The following DENND5B variants were observed in gnomAD, a reference collection of about 807,000 sequenced individuals.
DENND5B encodes DENN domain containing 5B, also known as DENN domain-containing protein 5B.
Under a neutral mutation model 140.6 loss-of-function variants are expected in DENND5B, and 34 were observed. The observed-to-expected ratio is 0.24, with a 90% CI of 0.18 to 0.32. The LOEUF is 0.32. Among genes scored for constraint, DENND5B ranks in the 10% least tolerant of loss-of-function variants. DENND5B has a pLI of 1.00. For synonymous variants in DENND5B, 551 were observed against 562.1 expected, an observed-to-expected ratio of 0.98 and a Z score of 0.28; for missense variants, 1,142 against 1,560.2, an observed-to-expected ratio of 0.73 and a Z score of 4.52.
intron 1 of DENND5B, chr12:31,506,211 C>T (rs1947194998): frequency 6.6e-6 from 1 of 152,100 alleles, no homozygotes; most frequent in Non-Finnish European, 1.5e-5. Context: ...CAATATCTTT[C>T]CTCTTGATTA....
chr12:31,572,488 T>C (rs1342979858), intron 1 of DENND5B, among the ~76,000 whole-genome samples: 1 of 135,904 alleles, frequency 7.4e-6, no homozygotes, highest in Non-Finnish European at 1.6e-5. Flanking sequence ...AATAACAAAA[T>C]AAATATCAAA....
At position 31,385,217 on chromosome 12, in the gene DENND5B, T is replaced by G. The variant is rs1485320631; in HGVS notation, c.*2386A>C. The G allele has an allele frequency of 2.0e-5, 3 of 152,188 alleles. No individual in the cohort carries two copies. The highest frequency in any genetic ancestry group is 1.3e-4 in the Admixed American group (2 of 15,264). 9.4% of individuals were successfully genotyped at this position (152,188 alleles called of 1,614,324 possible). A position where few individuals can be genotyped will look rare whatever the true frequency, so the allele number is the denominator to read the frequency against. On this transcript the variant is annotated 3_prime_UTR_variant, in exon 21 of 21. Coordinates refer to ENST00000389082, the MANE Select transcript of DENND5B (RefSeq NM_144973.4). ...GATGAATAAAGATCCAATAGTATAA[T>G]AGAAAGACTATTAGTAAGAATGCCG...
At chr12:31,471,974 A>C (rs1945583060) in intron 3 of DENND5B, among the ~76,000 whole-genome samples, 1 of 152,180 alleles carries the variant, frequency 6.6e-6, no homozygotes, top group South Asian at 2.1e-4. Context: ...CCAGATGAAG[A>C]AGCTGATATG....
At chr12:31,537,448 T>G (rs1222415596) in intron 1 of DENND5B, among the ~76,000 whole-genome samples, 1 of 152,032 alleles carries the variant, frequency 6.6e-6, no homozygotes, top group Non-Finnish European at 1.5e-5. Context: ...TGGTAACCTC[T>G]AATCAAAAAA....
intron 1 of DENND5B, among the ~76,000 whole-genome samples, chr12:31,589,198 G>C (rs1188061924): frequency 6.6e-6 from 1 of 152,158 alleles, no homozygotes; most frequent in Non-Finnish European, 1.5e-5. Context: ...GGGAAGAAAG[G>C]AGTCTAGAAA....
rs192308207 is a variant in DENND5B, at chr12:31,510,021, T to C, written c.128-14102A>G. On this transcript the variant is annotated intron_variant, in intron 1 of 20. Coordinates refer to ENST00000389082, the MANE Select transcript of DENND5B (RefSeq NM_144973.4). ...CTTTAGTTTCTGAGGCTCCTGCACTTGAGCCACGCCAAATGACGTGCAGTT... is the reference window on the plus strand; with the variant it reads ...CTTTAGTTTCTGAGGCTCCTGCACTCGAGCCACGCCAAATGACGTGCAGTT... 4.6e-5 allele frequency among the ~76,000 whole-genome samples: 7 copies of C among 152,342 alleles called. No individual in the cohort carries two copies. The East Asian group carries it at 9.6e-4, about 21-fold the overall frequency.
chr12:31,398,425 C>A, intron 16 of DENND5B, 63 bp from the exon 17 acceptor site: 1 of 1,458,154 alleles, frequency 6.9e-7, no homozygotes, highest in South Asian at 1.4e-5. Context: ...CCCGCTCAGC[C>A]CCCTGAGTAG....
intron 6 of DENND5B, among the ~76,000 whole-genome samples, chr12:31,443,449 T>C (rs553124993): frequency 1.7e-4 from 26 of 152,276 alleles, no homozygotes; most frequent in Admixed American, 1.6e-3. Flanking sequence ...TAAGTAAATA[T>C]TGGATGATTA....
At chr12:31,427,466 C>T (rs1199960585) in intron 8 of DENND5B, among the ~76,000 whole-genome samples, 3 of 151,862 alleles carry the variant, frequency 2.0e-5, no homozygotes, top group African/African-American at 4.8e-5. Flanking sequence ...ATTAGCCACG[C>T]GTGGTGGTGG....
intron 11 of DENND5B, among the ~76,000 whole-genome samples, chr12:31,417,659 G>A (rs910595005): frequency 1.6e-4 from 24 of 152,196 alleles, no homozygotes; most frequent in South Asian, 6.2e-4. Context: ...TATGAAAGAA[G>A]AAAGATTATT....
Position 31,534,712 on chromosome 12 carries a change from T to C in DENND5B, c.128-38793A>G, listed in dbSNP as rs1948419749. ...TAGACACCTAAAATTACTAGAACCA[T>C]TAAGACTGAGGTGAAGAATTTGTAT... On this transcript the variant is annotated intron_variant, in intron 1 of 20. Coordinates refer to ENST00000389082, the MANE Select transcript of DENND5B (RefSeq NM_144973.4). 2.0e-5 allele frequency: 6 copies of C among 306,956 alleles called. No homozygotes were observed. In the South Asian group the frequency reaches 2.1e-4, roughly 11 times the overall value. 19.0% of individuals were successfully genotyped at this position (306,956 alleles called of 1,614,324 possible).
intron 11 of DENND5B, chr12:31,420,153 G>GCAAGACCCTGTC: frequency 2.6e-6 from 2 of 775,066 alleles, no homozygotes; most frequent in Non-Finnish European, 1.6e-6. Flanking sequence ...TGGAGACAGG[G>GCAAGACCCTGTC]TCTTGCTCTG....
chr12:31,515,188 C>T (rs1055675794), intron 1 of DENND5B, among the ~76,000 whole-genome samples: 3 of 152,040 alleles, frequency 2.0e-5, no homozygotes, highest in African/African-American at 4.8e-5. Flanking sequence ...GTCTGCAGTC[C>T]GAGCTATTTG....
intron 20 of DENND5B, among the ~76,000 whole-genome samples, chr12:31,388,987 C>G (rs1173343198): frequency 6.6e-6 from 1 of 152,160 alleles, no homozygotes; most frequent in Non-Finnish European, 1.5e-5. Context: ...GGCTCTGTCT[C>G]ATTTTTCTGT....
intron 13 of DENND5B, among the ~76,000 whole-genome samples, 177 bp downstream of exon 13, chr12:31,413,259 A>G (rs920133870): frequency 6.6e-6 from 1 of 152,202 alleles, no homozygotes; most frequent in African/African-American, 2.4e-5. Flanking sequence ...GTCCCCCCAA[A>G]ACGATCAAGT....
intron 3 of DENND5B, among the ~76,000 whole-genome samples, chr12:31,474,880 C>T (rs541604017): frequency 5.0e-4 from 76 of 152,310 alleles, no homozygotes; most frequent in Non-Finnish European, 6.5e-4. Context: ...TTATACTCTA[C>T]AATTACTTCG....
At chr12:31,577,441 T>G (rs1950051978) in intron 1 of DENND5B, among the ~76,000 whole-genome samples, 1 of 152,164 alleles carries the variant, frequency 6.6e-6, no homozygotes, top group Non-Finnish European at 1.5e-5. Flanking sequence ...CCGGGCACGG[T>G]GGCTCACGCC....
intron 3 of DENND5B, among the ~76,000 whole-genome samples, chr12:31,462,016 C>T (rs1401652360): frequency 6.6e-6 from 1 of 152,186 alleles, no homozygotes; most frequent in African/African-American, 2.4e-5. Context: ...CAGTTATCCA[C>T]AGCCCAAGTT....
At chr12:31,471,171 A>G (rs1348309161) in intron 3 of DENND5B, among the ~76,000 whole-genome samples, 1 of 152,208 alleles carries the variant, frequency 6.6e-6, no homozygotes, top group Non-Finnish European at 1.5e-5. Flanking sequence ...AGCCACTCCC[A>G]ACGGGAAAAA....
Sources: allele counts gnomAD v4.1 joint callset (sites outside exome capture counted in the v4.1 genomes callset), GRCh38; gene constraint gnomAD v4.1.1; transcripts MANE v1.5; gene names NCBI Gene and HGNC (gene_info 2026-07-23, HGNC 2026-07-21).